Variants in C2orf76 observed in about 807,000 individuals in gnomAD.
C2orf76 encodes chromosome 2 open reading frame 76, also known as UPF0538 protein C2orf76.
In C2orf76, 23 loss-of-function variants were observed where a neutral mutation model predicts 16.9. The observed-to-expected ratio is 1.36, with a 90% CI of 0.98 to 1.93. The LOEUF is 1.93. C2orf76 is among the 30% of genes most tolerant of loss of function. The probability of loss-of-function intolerance (pLI) is 0.00; values close to 1 mark genes in which losing one functional copy is unlikely to be tolerated. For synonymous variants in C2orf76, 48 were observed against 52.3 expected, an observed-to-expected ratio of 0.92 and a Z score of 0.35; for missense variants, 152 against 152.6, an observed-to-expected ratio of 1.00 and a Z score of 0.02.
chr2:119,359,350 A>G (rs1387530172), intron 1 of C2orf76, among the ~76,000 whole-genome samples: 3 of 152,218 alleles, frequency 2.0e-5, no homozygotes, highest in Non-Finnish European at 2.9e-5. Flanking sequence ...CTACCACAAT[A>G]TGCATTCTGA....
the C2orf76 span, among the ~76,000 whole-genome samples, chr2:119,292,965 G>A: frequency 1.3e-5 from 2 of 152,198 alleles, no homozygotes; most frequent in Non-Finnish European, 2.9e-5. Flanking sequence ...AACTCAGGAG[G>A]CAGAGCTTAC....
At chr2:119,296,212 C>T in the C2orf76 span, among the ~76,000 whole-genome samples, 1 of 152,098 alleles carries the variant, frequency 6.6e-6, no homozygotes, top group Admixed American at 6.6e-5. Flanking sequence ...GGGTTCTTTC[C>T]AGGCCTGCAG....
At chr2:119,285,087 A>G in the C2orf76 span, among the ~76,000 whole-genome samples, 7 of 152,220 alleles carry the variant, frequency 4.6e-5, no homozygotes, top group Admixed American at 4.6e-4. Flanking sequence ...TTTCATTCTT[A>G]GGTTGACTTA....
chr2:119,340,646 G>A (rs765606337), intron 1 of C2orf76, among the ~76,000 whole-genome samples: 3 of 151,954 alleles, frequency 2.0e-5, no homozygotes, highest in Non-Finnish European at 4.4e-5. Flanking sequence ...TTTTAAAGAT[G>A]AGAAGACTGA....
intron 1 of C2orf76, chr2:119,340,294 G>C (rs1455701696): frequency 4.7e-6 from 1 of 213,048 alleles, no homozygotes; most frequent in Non-Finnish European, 9.3e-6. Flanking sequence ...CAGGACGGCC[G>C]AACACAAACA....
At chr2:119,330,935 C>T (rs1453318305) in intron 2 of C2orf76, among the ~76,000 whole-genome samples, 1 of 152,092 alleles carries the variant, frequency 6.6e-6, no homozygotes, top group African/African-American at 2.4e-5. Flanking sequence ...TCTAGCTTCT[C>T]GAACATTTTG....
intron 2 of C2orf76, 118 bp downstream of exon 2, chr2:119,339,709 T>G: frequency 8.6e-7 from 1 of 1,166,424 alleles, no homozygotes; most frequent in East Asian, 2.5e-5. Context: ...AGCACCTGGC[T>G]TGGAACCCAG....
chr2:119,333,668 A>G (rs1370200018), intron 2 of C2orf76, among the ~76,000 whole-genome samples: 1 of 152,220 alleles, frequency 6.6e-6, no homozygotes, highest in Non-Finnish European at 1.5e-5. Flanking sequence ...CTAAATCACA[A>G]AAGTGGTACA....
At chr2:119,313,583 G>A (rs189523398) in intron 4 of C2orf76, among the ~76,000 whole-genome samples, 1 of 134,052 alleles carries the variant, frequency 7.5e-6, no homozygotes, top group Non-Finnish European at 1.6e-5. Flanking sequence ...GCAACAGAGT[G>A]AGATTGTGTC....
At chr2:119,311,920 G>A (rs931834252) in intron 4 of C2orf76, among the ~76,000 whole-genome samples, 1 of 152,116 alleles carries the variant, frequency 6.6e-6, no homozygotes, top group Non-Finnish European at 1.5e-5. Context: ...TGGCATGGGC[G>A]TGAAGTCAGA....
chr2:119,289,751 G>T, the C2orf76 span, among the ~76,000 whole-genome samples: 41 of 151,798 alleles, frequency 2.7e-4, no homozygotes, highest in Middle Eastern at 6.8e-3. Context: ...CACCAAGGGG[G>T]TCCACAGAGC....
intron 1 of C2orf76, among the ~76,000 whole-genome samples, chr2:119,359,247 T>C (rs1417138288): frequency 6.6e-6 from 1 of 152,142 alleles, no homozygotes; most frequent in Non-Finnish European, 1.5e-5. Flanking sequence ...AAAAAAAAGA[T>C]TCCTTTCAAA....
At chr2:119,314,965 C>T (rs1270309331) in intron 4 of C2orf76, among the ~76,000 whole-genome samples, 1 of 152,100 alleles carries the variant, frequency 6.6e-6, no homozygotes, top group Non-Finnish European at 1.5e-5. Flanking sequence ...AAAAATTAAT[C>T]GCAGAGTTTA....
At chr2:119,288,183 G>A in the C2orf76 span, among the ~76,000 whole-genome samples, 1 of 141,204 alleles carries the variant, frequency 7.1e-6, no homozygotes, top group Non-Finnish European at 1.5e-5. Context: ...TTGAGACAGA[G>A]TCTCACTCTG....
At chr2:119,330,599 G>GA (rs1214467259) in intron 2 of C2orf76, among the ~76,000 whole-genome samples, 1 of 151,886 alleles carries the variant, frequency 6.6e-6, no homozygotes, top group Non-Finnish European at 1.5e-5. Flanking sequence ...TGAGTCTCTA[G>GA]TTTTCATCAT....
chr2:119,293,322 C>A, the C2orf76 span, among the ~76,000 whole-genome samples: 23 of 152,218 alleles, frequency 1.5e-4, no homozygotes, highest in Admixed American at 1.5e-3. Flanking sequence ...AGGGAGAAAA[C>A]CATGCAAAAA....
intron 1 of C2orf76, among the ~76,000 whole-genome samples, chr2:119,345,669 C>G (rs1248448602): frequency 6.6e-6 from 1 of 152,134 alleles, no homozygotes; most frequent in African/African-American, 2.4e-5. Context: ...AAACATTTTA[C>G]CCTTCCTTTC....
At chr2:119,338,639 T>C (rs890171933) in intron 2 of C2orf76, among the ~76,000 whole-genome samples, 15 of 152,244 alleles carry the variant, frequency 9.9e-5, no homozygotes, top group African/African-American at 3.4e-4. Flanking sequence ...ACTGAGAGGC[T>C]GAAGAAAGAG....
chr2:119,290,684 G>A, the C2orf76 span, among the ~76,000 whole-genome samples: 1 of 151,948 alleles, frequency 6.6e-6, no homozygotes, highest in East Asian at 1.9e-4. Context: ...ACAAAAATTA[G>A]CCTGGCGTGG....
Sources: allele counts gnomAD v4.1 joint callset (sites outside exome capture counted in the v4.1 genomes callset), GRCh38; gene constraint gnomAD v4.1.1; transcripts MANE v1.5; gene names NCBI Gene and HGNC (gene_info 2026-07-23, HGNC 2026-07-21).